AKAP13: variants seen among roughly 807,000 people sequenced by gnomAD.
The protein encoded by AKAP13 is A-kinase anchor protein 13.
In AKAP13, 80 loss-of-function variants were observed where a neutral mutation model predicts 264.5. The observed-to-expected ratio is 0.30, with a 90% CI of 0.25 to 0.36. The LOEUF (loss-of-function observed/expected upper bound fraction) is 0.36, where lower values mean the gene tolerates loss of function less well. Among genes scored for constraint, AKAP13 ranks in the 10% least tolerant of loss-of-function variants. The pLI is 1.00. For missense variants in AKAP13, 3,712 were observed against 3,435.2 expected (o/e 1.08, Z -2.01); for synonymous variants, 1,380 against 1,250.2 (o/e 1.10, Z -2.19).
intron 1 of AKAP13, among the ~76,000 whole-genome samples, chr15:85,462,318 T>C (rs2151002449): frequency 6.6e-6 from 1 of 152,326 alleles, no homozygotes; most frequent in African/African-American, 2.4e-5. Flanking sequence ...TGCAAATCAC[T>C]GAACCATGCC....
intron 1 of AKAP13, among the ~76,000 whole-genome samples, chr15:85,388,939 C>T (rs1006810954): frequency 6.6e-6 from 1 of 152,126 alleles, no homozygotes; most frequent in Non-Finnish European, 1.5e-5. Flanking sequence ...AGTTAAGTTG[C>T]CAAACTTATG....
chr15:85,719,294 A>G lies in AKAP13; in HGVS notation c.6220A>G (p.Ile2074Val). ...LVDKSEKNFL[I>V]KRIGDVLVNQ... ...GGATAAAAGTGAAAAGAACTTTCTC[A>G]TCAAGAGGATAGGGGATGTGCTTGT... Residue 2074 changes from isoleucine to valine, a missense_variant, in exon 23 of 37, where the codon ATC becomes GTC. This residue lies in a region of AKAP13 where 342 missense variants were observed against 484.3 expected (regional missense o/e 0.71). Transcript: ENST00000394518. 1 of 1,614,222 alleles carries G rather than the reference A, an allele frequency of 6.2e-7. No homozygotes were observed. The highest frequency in any genetic ancestry group is 8.5e-7 in the Non-Finnish European group (1 of 1,180,036).
At chr15:85,613,598 A>G (rs375499447) in intron 8 of AKAP13, among the ~76,000 whole-genome samples, 3 of 150,302 alleles carry the variant, frequency 2.0e-5, no homozygotes, top group East Asian at 2.0e-4. Context: ...GGAGAATGGC[A>G]TGAACCCCGG....
intron 2 of AKAP13, 42 bp downstream of exon 2, chr15:85,485,795 G>A: frequency 1.3e-6 from 2 of 1,591,536 alleles, no homozygotes; most frequent in Non-Finnish European, 8.6e-7. Flanking sequence ...GTGTTTATCT[G>A]TTCTGCTTAC....
intron 34 of AKAP13, among the ~76,000 whole-genome samples, chr15:85,740,775 A>ACCCCCCCCCCCCC (rs34080252): frequency 1.2e-4 from 8 of 67,388 alleles, no homozygotes; most frequent in African/African-American, 1.4e-4. Flanking sequence ...ACACACAACC[A>ACCCCCCCCCCCCC]CCCCCCCCCC....
At chr15:85,438,131 A>G (rs1452032835) in intron 1 of AKAP13, among the ~76,000 whole-genome samples, 1 of 147,598 alleles carries the variant, frequency 6.8e-6, no homozygotes, top group Non-Finnish European at 1.5e-5. Context: ...TCAGGATACA[A>G]AATCAATGTA....
chr15:85,630,739 A>G (rs897990664), intron 8 of AKAP13, among the ~76,000 whole-genome samples: 6 of 152,262 alleles, frequency 3.9e-5, no homozygotes. Context: ...GAAACTCAGG[A>G]TGAGCACCCA....
chr15:85,579,088 G>T lies in AKAP13; in HGVS notation c.1020G>T (p.Gln340His). ...CTTCTGAAGAGACTGAGAGCACTCAGTGCTGCCCAGGGAGCCCTGTTGCAC... is the reference window on the plus strand; with the variant it reads ...CTTCTGAAGAGACTGAGAGCACTCATTGCTGCCCAGGGAGCCCTGTTGCAC... ...LSSSEETEST[Q>H]CCPGSPVAQT... The change falls in exon 7 of 37, where the codon CAG becomes CAT. Residue 340 changes from glutamine (Q) to histidine (H), a missense_variant. Transcript: ENST00000394518. 2 of 1,614,190 alleles carry T rather than the reference G, an allele frequency of 1.2e-6. No individual in the cohort carries two copies. Among genetic ancestry groups the T allele is most frequent in the East Asian group, 2.2e-5 (1 of 44,870 alleles).
intron 2 of AKAP13, among the ~76,000 whole-genome samples, chr15:85,498,932 A>C (rs1228742720): frequency 6.6e-6 from 1 of 152,212 alleles, no homozygotes; most frequent in Non-Finnish European, 1.5e-5. Context: ...ATGCACTCCA[A>C]AGTTTAAGCA....
intron 21 of AKAP13, 46 bp downstream of exon 21, chr15:85,717,448 T>G: frequency 7.6e-7 from 1 of 1,312,592 alleles, no homozygotes; most frequent in Non-Finnish European, 1.1e-6. Context: ...GTAGGGACTG[T>G]GTGTGTGTCA....
At chr15:85,735,990 G>A (rs1229488242) in intron 32 of AKAP13, 100 bp from the exon 33 acceptor site, 9 of 946,528 alleles carry the variant, frequency 9.5e-6, no homozygotes, top group Middle Eastern at 2.1e-4. Flanking sequence ...GAGAGGCTGT[G>A]GTAGAAAATG....
At chr15:85,676,695 A>G (rs994132407) in intron 14 of AKAP13, among the ~76,000 whole-genome samples, 1 of 152,232 alleles carries the variant, frequency 6.6e-6, no homozygotes, top group Non-Finnish European at 1.5e-5. Flanking sequence ...AGATGTTTTT[A>G]GTATACTTTT....
rs184935504 is a variant in AKAP13, at chr15:85,654,215, T to C, written c.4375-1202T>C. ...GTGAAATGAGAAAAATGTATAGCTT[T>C]CTTCCATTTAGATATTTGTAACAGG... On this transcript the variant is annotated intron_variant, in intron 10 of 36. Transcript: ENST00000394518. 5.3e-5 allele frequency among the ~76,000 whole-genome samples: 8 copies of C among 152,362 alleles called. No individual in the cohort carries two copies. The East Asian group carries it at 1.5e-3, about 29-fold the overall frequency.
At chr15:85,557,676 A>G (rs1016460831) in intron 5 of AKAP13, among the ~76,000 whole-genome samples, 22 of 151,948 alleles carry the variant, frequency 1.4e-4, no homozygotes, top group Admixed American at 1.2e-3. Flanking sequence ...GAGGTCTTGT[A>G]TGTTGCCCAG....
chr15:85,394,272 G>A (rs1326651183), intron 1 of AKAP13, among the ~76,000 whole-genome samples: 2 of 152,162 alleles, frequency 1.3e-5, no homozygotes, highest in African/African-American at 4.8e-5. Context: ...GCCCAGTTTG[G>A]CTCATATCAA....
At position 85,635,977 on chromosome 15, in the gene AKAP13, A is replaced by G. The variant is rs180883951; in HGVS notation, c.4162-3397A>G. ...CCGGTTTGGTTAGTGCAGCTTTTAT[A>G]GTATGTCTTGAAATCATGTAGTGAT... On this transcript the variant is annotated intron_variant, in intron 8 of 36. Coordinates refer to ENST00000394518, the MANE Select transcript of AKAP13 (RefSeq NM_007200.5). 1.9e-3 allele frequency among the ~76,000 whole-genome samples: 285 copies of G among 152,246 alleles called. 1 individual carries two copies. The highest frequency in any genetic ancestry group is 6.6e-3 in the African/African-American group (275 of 41,534).
intron 1 of AKAP13, among the ~76,000 whole-genome samples, chr15:85,420,337 CA>C (rs1473633623): frequency 6.6e-6 from 1 of 152,036 alleles, no homozygotes; most frequent in African/African-American, 2.4e-5. Context: ...TGCTGAGCTG[CA>C]AAACAGCTTC....
At chr15:85,611,601 GTC>G (rs756551798) in intron 8 of AKAP13, among the ~76,000 whole-genome samples, 36 of 152,188 alleles carry the variant, frequency 2.4e-4, no homozygotes, top group Admixed American at 5.2e-4. Context: ...TGACTCATCT[GTC>G]TCTAAGCTTG....
At chr15:85,432,324 A>G (rs889416461) in intron 1 of AKAP13, among the ~76,000 whole-genome samples, 1 of 151,970 alleles carries the variant, frequency 6.6e-6, no homozygotes, top group Non-Finnish European at 1.5e-5. Context: ...TTTTTACCCC[A>G]TTATTTTCCT....
Sources: gnomAD v4.1 joint callset for allele counts (sites outside exome capture counted in the v4.1 genomes callset) on GRCh38, gnomAD v4.1.1 for gene constraint, gnomAD v4.1.1 regional missense constraint, MANE v1.5 for transcripts, NCBI Gene and HGNC (gene_info 2026-07-23, HGNC 2026-07-21) for gene names.